The following KCNIP4 variants were observed in gnomAD, a reference collection of about 807,000 sequenced individuals.
The protein encoded by KCNIP4 is potassium voltage-gated channel interacting protein 4, also known as Kv channel-interacting protein 4.
Under a neutral mutation model 34.0 loss-of-function variants are expected in KCNIP4, and 12 were observed. That is an observed-to-expected ratio of 0.35 (90% CI 0.23 to 0.57). KCNIP4 has a LOEUF of 0.57. Ranked by LOEUF, KCNIP4 falls within the 20% of genes least tolerant of loss-of-function variation. The pLI is 0.83. For missense variants in KCNIP4, 238 were observed against 311.7 expected, an observed-to-expected ratio of 0.76 and a Z score of 1.78; for synonymous variants, 124 against 102.2, an observed-to-expected ratio of 1.21 and a Z score of -1.29.
intron 1 of KCNIP4, among the ~76,000 whole-genome samples, chr4:21,340,433 G>T (rs1299916272): frequency 6.6e-6 from 1 of 152,070 alleles, no homozygotes; most frequent in African/African-American, 2.4e-5. Flanking sequence ...CAAGTTTATT[G>T]CACGTAAAAG....
chr4:21,013,596 A>T (rs984163754), intron 1 of KCNIP4, among the ~76,000 whole-genome samples: 6 of 152,304 alleles, frequency 3.9e-5, no homozygotes, highest in Non-Finnish European at 8.8e-5. Flanking sequence ...AAGGCATTTC[A>T]GTTCTGTCAA....
intron 1 of KCNIP4, among the ~76,000 whole-genome samples, chr4:21,144,521 G>T (rs1328691697): frequency 6.6e-6 from 1 of 152,074 alleles, no homozygotes; most frequent in African/African-American, 2.4e-5. Context: ...TTGAAATAAA[G>T]AAACCAAAAC....
intron 1 of KCNIP4, among the ~76,000 whole-genome samples, chr4:21,111,291 G>A (rs563521955): frequency 2.1e-4 from 29 of 135,720 alleles, no homozygotes; most frequent in South Asian, 1.1e-3. Flanking sequence ...AGGCTCTGAC[G>A]CGACAAAAGA....
At chr4:21,770,695 A>G (rs1183823007) in intron 1 of KCNIP4, among the ~76,000 whole-genome samples, 8 of 152,170 alleles carry the variant, frequency 5.3e-5, no homozygotes, top group Admixed American at 4.6e-4. Flanking sequence ...TATTTCTCTG[A>G]TGATCAGTGA....
intron 1 of KCNIP4, among the ~76,000 whole-genome samples, chr4:21,220,318 C>G (rs1054828721): frequency 1.3e-5 from 2 of 151,910 alleles, no homozygotes; most frequent in African/African-American, 4.8e-5. Context: ...AAGGGATGAA[C>G]CTATGGCTAA....
intron 1 of KCNIP4, among the ~76,000 whole-genome samples, chr4:21,175,138 T>TA (rs5856609): frequency 2.5e-4 from 37 of 149,864 alleles, no homozygotes; most frequent in South Asian, 1.5e-3. Flanking sequence ...ATAATTTACT[T>TA]AAAAAAAAAA....
intron 1 of KCNIP4, among the ~76,000 whole-genome samples, chr4:20,931,623 T>C (rs1478259237): frequency 1.3e-5 from 2 of 152,132 alleles, no homozygotes; most frequent in African/African-American, 4.8e-5. Context: ...TGTGGTATTA[T>C]AATCTTATGG....
At chr4:21,503,342 T>C (rs1733519942) in intron 1 of KCNIP4, among the ~76,000 whole-genome samples, 1 of 152,144 alleles carries the variant, frequency 6.6e-6, no homozygotes, top group Non-Finnish European at 1.5e-5. Context: ...GAAAGAGGTA[T>C]TCAAAGCAAG....
At chr4:21,181,597 A>G (rs1449429438) in intron 1 of KCNIP4, among the ~76,000 whole-genome samples, 1 of 152,114 alleles carries the variant, frequency 6.6e-6, no homozygotes, top group African/African-American at 2.4e-5. Flanking sequence ...TGAGCTGTGA[A>G]GCTTCTCCAT....
At chr4:20,998,562 A>T (rs1265529331) in intron 1 of KCNIP4, among the ~76,000 whole-genome samples, 3 of 152,250 alleles carry the variant, frequency 2.0e-5, no homozygotes, top group Admixed American at 6.5e-5. Flanking sequence ...TCATGAATAG[A>T]TAAGAGAAAG....
chr4:21,868,310 G>A (rs1268178684), intron 1 of KCNIP4, among the ~76,000 whole-genome samples: 1 of 151,986 alleles, frequency 6.6e-6, no homozygotes, highest in Non-Finnish European at 1.5e-5. Flanking sequence ...TTTATCAAGG[G>A]GATGTACACA....
chr4:21,877,624 G>C (rs1425592929), intron 1 of KCNIP4, among the ~76,000 whole-genome samples: 1 of 152,010 alleles, frequency 6.6e-6, no homozygotes, highest in African/African-American at 2.4e-5. Flanking sequence ...ACTCTCCTTT[G>C]TTCTCTGGCA....
chr4:21,212,167 A>C (rs549473584), intron 1 of KCNIP4, among the ~76,000 whole-genome samples: 86 of 152,346 alleles, frequency 5.6e-4, no homozygotes, highest in African/African-American at 2.0e-3. Context: ...GCAAATAAGC[A>C]GATGAAAAAT....
At chr4:21,445,538 T>C (rs976846842) in intron 1 of KCNIP4, among the ~76,000 whole-genome samples, 4 of 152,198 alleles carry the variant, frequency 2.6e-5, no homozygotes, top group African/African-American at 9.6e-5. Context: ...ATTCCCTATT[T>C]AACAAATGGT....
Position 21,830,264 on chromosome 4 carries a change from A to C in KCNIP4, c.61+118307T>G, listed in dbSNP as rs1722902034. ...AAGAAAAGGTTATTCTAGTATAAAA[A>C]TGGCTCAATTCATCAGGAGAATATA... On this transcript the variant is annotated intron_variant, in intron 1 of 8. Coordinates refer to ENST00000382152, the MANE Select transcript of KCNIP4 (RefSeq NM_025221.6). Among the ~76,000 whole-genome samples, 3 of 152,216 alleles carry C rather than the reference A, an allele frequency of 2.0e-5. No individual in the cohort carries two copies. In the South Asian group the frequency reaches 6.2e-4, roughly 31 times the overall value.
chr4:21,880,700 TC>T (rs1726411571), intron 1 of KCNIP4, among the ~76,000 whole-genome samples: 1 of 152,214 alleles, frequency 6.6e-6, no homozygotes, highest in African/African-American at 2.4e-5. Context: ...TTTATTCCAA[TC>T]TTGTAGTAGC....
intron 3 of KCNIP4, among the ~76,000 whole-genome samples, chr4:20,845,828 G>A (rs1281965405): frequency 6.6e-6 from 1 of 152,118 alleles, no homozygotes; most frequent in Non-Finnish European, 1.5e-5. Context: ...CAACCACAAA[G>A]AATTGAATTC....
intron 1 of KCNIP4, among the ~76,000 whole-genome samples, chr4:21,221,832 A>G (rs192916144): frequency 7.9e-5 from 12 of 152,330 alleles, no homozygotes; most frequent in African/African-American, 2.4e-4. Context: ...AAATGCTACA[A>G]TCTGAATCTA....
intron 1 of KCNIP4, among the ~76,000 whole-genome samples, chr4:21,075,170 T>A (rs1174920147): frequency 2.0e-5 from 3 of 152,202 alleles, no homozygotes; most frequent in African/African-American, 7.2e-5. Flanking sequence ...GGTGCAGAGC[T>A]GAGTTCAGTT....
Sources: allele counts gnomAD v4.1 joint callset (sites outside exome capture counted in the v4.1 genomes callset), GRCh38; gene constraint gnomAD v4.1.1; transcripts MANE v1.5; gene names NCBI Gene and HGNC (gene_info 2026-07-23, HGNC 2026-07-21).